Variants in CYREN observed in about 807,000 individuals in gnomAD.
CYREN encodes the protein cell cycle regulator of non-homologous end joining.
Under a neutral mutation model 9.7 loss-of-function variants are expected in CYREN, and 7 were observed. That is an observed-to-expected ratio of 0.72 (90% CI 0.41 to 1.36). CYREN has a LOEUF of 1.36. Ranked by LOEUF, CYREN falls within the 40% of genes most tolerant of loss-of-function variation. The pLI, the probability that CYREN is intolerant of heterozygous loss-of-function variation, is 0.01. For synonymous variants in CYREN, 76 were observed against 77.9 expected (o/e 0.98, Z 0.13); for missense variants, 215 against 198.1 (o/e 1.09, Z -0.51).
At chr7:135,141,920 T>C (rs1419121140) in intron 2 of CYREN, among the ~76,000 whole-genome samples, 2 of 152,188 alleles carry the variant, frequency 1.3e-5, no homozygotes, top group African/African-American at 4.8e-5. Context: ...GTGGTTGGTA[T>C]GATTTCATTT....
rs55776467 is a variant in CYREN, at chr7:135,153,456, C to CAAAAA, written n.356+15288_356+15292dup. On this transcript the variant is annotated intron_variant and non_coding_transcript_variant, in intron 2 of 2. Coordinates refer to the CYREN transcript ENST00000459937. ...GCAACACAGCAAGACTCCATCTCCA[C>CAAAAA]AAAAAAAAAAAAAAAAAAAAGTCTA... 3.1e-3 allele frequency among the ~76,000 whole-genome samples: 249 copies of CAAAAA among 79,732 alleles called. 2 individuals are homozygous for CAAAAA. The highest frequency in any genetic ancestry group is 4.1e-3 in the Non-Finnish European group (173 of 42,508). The allele number at this position is 79,732 out of a possible 152,430, so 52.3% of individuals were successfully genotyped here.
chr7:135,106,270 T>C (rs1239752348), intron 2 of CYREN, among the ~76,000 whole-genome samples: 2 of 152,188 alleles, frequency 1.3e-5, no homozygotes, highest in African/African-American at 4.8e-5. Context: ...TTATGTTGAA[T>C]AGAAAGGTGA....
chr7:135,147,940 G>A, intron 2 of CYREN: 1 of 455,678 alleles, frequency 2.2e-6, no homozygotes, highest in South Asian at 1.5e-5. Flanking sequence ...TAGGTAAAGA[G>A]TATGTCATAA....
At chr7:135,110,547 C>A (rs932345146) in intron 2 of CYREN, among the ~76,000 whole-genome samples, 3 of 152,144 alleles carry the variant, frequency 2.0e-5, no homozygotes, top group African/African-American at 7.2e-5. Flanking sequence ...AAGCGTGGGT[C>A]CCCATCATCA....
chr7:135,129,054 C>T (rs868688855), intron 2 of CYREN: 31 of 1,608,488 alleles, frequency 1.9e-5, no homozygotes, highest in South Asian at 3.3e-5. Context: ...GGTTCAATGC[C>T]TCAACTGCCC....
intron 2 of CYREN, among the ~76,000 whole-genome samples, chr7:135,107,109 T>C (rs1585153528): frequency 6.6e-6 from 1 of 152,058 alleles, no homozygotes; most frequent in African/African-American, 2.4e-5. Flanking sequence ...TTTTCTTCTT[T>C]ATTAGTCTAG....
intron 2 of CYREN, among the ~76,000 whole-genome samples, chr7:135,149,456 C>G (rs752922634): frequency 6.6e-6 from 1 of 152,194 alleles, no homozygotes; most frequent in East Asian, 1.9e-4. Context: ...AGCTGCTTCC[C>G]ATTTTGTGCC....
intron 2 of CYREN, among the ~76,000 whole-genome samples, chr7:135,098,927 TG>T (rs1823339165): frequency 1.3e-5 from 2 of 152,120 alleles, no homozygotes; most frequent in Non-Finnish European, 2.9e-5. Context: ...AGAGCTAAAA[TG>T]TGTATCAGAG....
chr7:135,127,795 T>C (rs1466057963), intron 2 of CYREN, among the ~76,000 whole-genome samples: 1 of 152,136 alleles, frequency 6.6e-6, no homozygotes, highest in Non-Finnish European at 1.5e-5. Flanking sequence ...GAACCAGAAC[T>C]ACCATTTGAC....
intron 2 of CYREN, among the ~76,000 whole-genome samples, chr7:135,109,425 T>G (rs1366779482): frequency 1.3e-5 from 2 of 150,808 alleles, no homozygotes; most frequent in Non-Finnish European, 3.0e-5. Flanking sequence ...AGACTCAGAC[T>G]GGGAGGACAT....
At position 135,144,073 on chromosome 7, in the gene CYREN, T is replaced by C. The variant is rs147809008; in HGVS notation, n.356+24676A>G. On this transcript the variant is annotated intron_variant and non_coding_transcript_variant, in intron 2 of 2. Coordinates refer to the CYREN transcript ENST00000459937. ...CTACCGCTGTGAAGCAGAAACAACA[T>C]TTGAGGCTAATGAGGCCAAGAGGTC... Among the ~76,000 whole-genome samples the C allele has an allele frequency of 2.9e-3, 438 of 152,226 alleles. 2 individuals carry two copies. Among genetic ancestry groups the C allele is most frequent in the African/African-American group, 0.01 (417 of 41,558 alleles).
At chr7:135,131,158 T>C (rs967212122) in intron 2 of CYREN, among the ~76,000 whole-genome samples, 1 of 152,176 alleles carries the variant, frequency 6.6e-6, no homozygotes, top group Non-Finnish European at 1.5e-5. Context: ...TCATGTCTTT[T>C]CCAGGGACGT....
chr7:135,094,409 G>T (rs555899546), exon 3 of CYREN: 1 of 456,618 alleles, frequency 2.2e-6, no homozygotes, highest in East Asian at 6.9e-5. Flanking sequence ...ATCATAAACT[G>T]GTAGGAACAC....
intron 2 of CYREN, chr7:135,129,535 CT>C: frequency 1.3e-6 from 1 of 772,328 alleles, no homozygotes. Flanking sequence ...ATGACATGTA[CT>C]GGCTGTATGC....
chr7:135,117,379 A>G (rs1826471025), intron 2 of CYREN, among the ~76,000 whole-genome samples: 1 of 152,184 alleles, frequency 6.6e-6, no homozygotes, highest in Non-Finnish European at 1.5e-5. Context: ...TTTCAGCCCT[A>G]TGATTACATT....
At chr7:135,163,560 G>C (rs1024480742), downstream of CYREN, among the ~76,000 whole-genome samples, 8 of 152,192 alleles carry the variant, frequency 5.3e-5, no homozygotes, top group East Asian at 9.6e-4. Context: ...CAGGAGACTT[G>C]CTTGACCCCG....
At chr7:135,096,783 G>GAAAGAAAGAAAGAAAGAAAGAAAT (rs1473386036) in intron 2 of CYREN, among the ~76,000 whole-genome samples, 2 of 148,748 alleles carry the variant, frequency 1.3e-5, no homozygotes, top group African/African-American at 5.0e-5. Context: ...AAGAAAGAAA[G>GAAAGAAAGAAAGAAAGAAAGAAAT]AAAGAAAGAA....
At chr7:135,148,238 T>C in intron 2 of CYREN, 1 of 401,204 alleles carries the variant, frequency 2.5e-6, no homozygotes, top group South Asian at 1.8e-5. Context: ...CTCCTTTTCA[T>C]GAGTGTTCCT....
upstream of CYREN, among the ~76,000 whole-genome samples, chr7:135,171,330 A>T (rs1277078630): frequency 3.0e-5 from 3 of 100,786 alleles, no homozygotes; most frequent in African/African-American, 4.1e-5. Flanking sequence ...TTTTTTTAAA[A>T]AAAAAAGGAA....
Sources: allele counts gnomAD v4.1 joint callset (sites outside exome capture counted in the v4.1 genomes callset), GRCh38; gene constraint gnomAD v4.1.1; transcripts MANE v1.5; gene names NCBI Gene and HGNC (gene_info 2026-07-23, HGNC 2026-07-21).